Variants in RBM18 observed in about 807,000 individuals in gnomAD.
RBM18 encodes the protein RNA binding motif protein 18, also known as probable RNA-binding protein 18.
RBM18 carries 18 observed loss-of-function variants against 26.4 expected under a neutral mutation model. The observed-to-expected ratio is 0.68, with a 90% CI of 0.47 to 1.01. The LOEUF is 1.01. Among genes scored for constraint, RBM18 ranks in the 50% least tolerant of loss-of-function variants. The pLI is 0.00. For synonymous variants in RBM18, 74 were observed against 81.1 expected (o/e 0.91, Z 0.47); for missense variants, 180 against 219.2 (o/e 0.82, Z 1.13).
At chr9:122,250,336 C>T (rs1250137157) in intron 3 of RBM18, among the ~76,000 whole-genome samples, 3 of 152,120 alleles carry the variant, frequency 2.0e-5, no homozygotes, top group Non-Finnish European at 4.4e-5. Context: ...TTCCATCTCC[C>T]CAAATGTGGC....
chr9:122,246,067 GAAT>G (rs1260980926), intron 4 of RBM18, among the ~76,000 whole-genome samples: 1 of 152,182 alleles, frequency 6.6e-6, no homozygotes, highest in Non-Finnish European at 1.5e-5. Context: ...CCTGAGTGAA[GAAT>G]AAAAGTTGTA....
chr9:122,246,551 G>T (rs1046279128), intron 4 of RBM18, among the ~76,000 whole-genome samples: 2 of 152,274 alleles, frequency 1.3e-5, no homozygotes, highest in East Asian at 3.9e-4. Context: ...TCTCCTTGTT[G>T]TTTCTATTTT....
At position 122,251,843 on chromosome 9, in the gene RBM18, T is replaced by C; in HGVS notation, c.240+4A>G. The stretch of plus-strand genomic sequence containing the variant: ...ATTATAAAATGGGGAGAAAGCTTAA[T>C]TACCTGCTTAGTTTCAAAGTTAACA... On this transcript the variant is annotated splice_donor_region_variant and intron_variant, in intron 3 of 5. Coordinates refer to ENST00000417201, the MANE Select transcript of RBM18 (RefSeq NM_033117.4). 6.2e-7 allele frequency: 1 copy of C among 1,613,344 alleles called. No homozygotes were observed. Among genetic ancestry groups the C allele is most frequent in the Non-Finnish European group, 8.5e-7 (1 of 1,179,342 alleles).
intron 2 of RBM18, among the ~76,000 whole-genome samples, chr9:122,261,152 A>T (rs1831786819): frequency 6.6e-6 from 1 of 152,158 alleles, no homozygotes; most frequent in African/African-American, 2.4e-5. Context: ...ATAGGAAAAA[A>T]ACAGGTATAT....
intron 2 of RBM18, chr9:122,254,369 T>G: frequency 1.2e-6 from 1 of 849,600 alleles, no homozygotes; most frequent in Non-Finnish European, 1.4e-6. Flanking sequence ...ATCGGAACAC[T>G]GAAACAAAAG....
Position 122,241,971 on chromosome 9 carries a change from T to G in RBM18, c.486A>C (p.Pro162=). ...TAAAGTAGGAATAAACAGGCGCTGCTGGATACTCTGCATCAGGATTTTCCG... is the reference window on the plus strand; with the variant it reads ...TAAAGTAGGAATAAACAGGCGCTGCGGGATACTCTGCATCAGGATTTTCCG... The part of the protein sequence containing the change: ...MMAENPDAEY[P]AAPVYSYFKP... The change falls in exon 6 of 6, where the codon CCA becomes CCC. Residue 162 remains proline, a synonymous_variant. Coordinates refer to ENST00000417201, the MANE Select transcript of RBM18 (RefSeq NM_033117.4). 6.2e-7 allele frequency: 1 copy of G among 1,614,172 alleles called. No individual in the cohort carries two copies.
chr9:122,244,157 A>G (rs1831468591), intron 5 of RBM18, among the ~76,000 whole-genome samples: 1 of 151,986 alleles, frequency 6.6e-6, no homozygotes, highest in Non-Finnish European at 1.5e-5. Flanking sequence ...AAAAAAAATC[A>G]TATTAAACTT....
At chr9:122,244,372 T>C (rs1467524345) in intron 5 of RBM18, among the ~76,000 whole-genome samples, 1 of 152,244 alleles carries the variant, frequency 6.6e-6, no homozygotes, top group African/African-American at 2.4e-5. Flanking sequence ...TGTTGGTTTC[T>C]GATCCTTATG....
chr9:122,247,367 G>A (rs993088378), intron 4 of RBM18, 151 bp downstream of exon 4: 27 of 643,242 alleles, frequency 4.2e-5, no homozygotes, highest in African/African-American at 3.3e-4. Context: ...AAGAAAAATC[G>A]GGCAACACAC....
intron 2 of RBM18, among the ~76,000 whole-genome samples, chr9:122,256,765 A>G (rs1434627145): frequency 6.6e-6 from 1 of 152,200 alleles, no homozygotes; most frequent in Non-Finnish European, 1.5e-5. Context: ...TTCATTTCCT[A>G]TATAATAGGG....
At chr9:122,260,991 C>T (rs1213121815) in intron 2 of RBM18, among the ~76,000 whole-genome samples, 2 of 152,000 alleles carry the variant, frequency 1.3e-5, no homozygotes, top group African/African-American at 4.8e-5. Flanking sequence ...CAAGTGGTCT[C>T]CTCTGCCTGT....
At chr9:122,259,550 G>A (rs1016571301) in intron 2 of RBM18, among the ~76,000 whole-genome samples, 1 of 152,120 alleles carries the variant, frequency 6.6e-6, no homozygotes, top group Non-Finnish European at 1.5e-5. Context: ...AATTTCTAAG[G>A]GAACTGAATA....
At chr9:122,242,144 A>G (rs1831431566) in intron 5 of RBM18, 101 bp from the exon 6 acceptor site, 7 of 1,092,738 alleles carry the variant, frequency 6.4e-6, no homozygotes, top group Non-Finnish European at 9.1e-6. Flanking sequence ...TAGAGACGCA[A>G]CAAGATACTA....
At chr9:122,247,641 A>G in intron 3 of RBM18, 37 bp from the exon 4 acceptor site, 1 of 1,508,916 alleles carries the variant, frequency 6.6e-7, no homozygotes, top group South Asian at 1.1e-5. Flanking sequence ...TTAAAAACTG[A>G]AATGCTTAAC....
At chr9:122,254,101 T>G (rs529054319) in intron 2 of RBM18, among the ~76,000 whole-genome samples, 2 of 150,912 alleles carry the variant, frequency 1.3e-5, no homozygotes, top group African/African-American at 2.4e-5. Flanking sequence ...CTAAGGCTAC[T>G]GTGGGCTGGT....
At chr9:122,252,086 C>T in intron 2 of RBM18, 113 bp from the exon 3 acceptor site, 1 of 1,392,064 alleles carries the variant, frequency 7.2e-7, no homozygotes, top group Non-Finnish European at 9.8e-7. Context: ...ATCTCTCGCC[C>T]CAGCCCCCTG....
At chr9:122,256,459 G>A (rs1200469403) in intron 2 of RBM18, among the ~76,000 whole-genome samples, 3 of 152,188 alleles carry the variant, frequency 2.0e-5, no homozygotes, top group East Asian at 1.9e-4. Flanking sequence ...AAAGAAAGTC[G>A]GTATTATCCC....
intron 5 of RBM18, 117 bp from the exon 6 acceptor site, chr9:122,242,160 C>T: frequency 2.1e-6 from 2 of 957,842 alleles, no homozygotes; most frequent in Non-Finnish European, 1.5e-6. Context: ...TACTAAATTA[C>T]AGACATTTAA....
At chr9:122,251,360 A>T (rs1178246905) in intron 3 of RBM18, among the ~76,000 whole-genome samples, 2 of 152,216 alleles carry the variant, frequency 1.3e-5, no homozygotes, top group Admixed American at 1.3e-4. Context: ...ATCCATGTAT[A>T]TATCATGGTT....
Sources: gnomAD v4.1 joint callset for allele counts (sites outside exome capture counted in the v4.1 genomes callset) on GRCh38, gnomAD v4.1.1 for gene constraint, MANE v1.5 for transcripts, NCBI Gene and HGNC (gene_info 2026-07-23, HGNC 2026-07-21) for gene names.